Variants in PLXND1 observed in about 807,000 individuals in gnomAD.
PLXND1 encodes the protein plexin-D1.
In PLXND1, 54 loss-of-function variants were observed where a neutral mutation model predicts 197.7. The ratio of observed to expected loss-of-function variants is 0.27; its 90% confidence interval spans 0.22 to 0.34. The LOEUF is 0.34. Among genes scored for constraint, PLXND1 ranks in the 10% least tolerant of loss-of-function variants. PLXND1 has a pLI of 1.00. For synonymous variants in PLXND1, 1,180 were observed against 1,161.2 expected (o/e 1.02, Z -0.33); for missense variants, 2,127 against 2,699.2 (o/e 0.79, Z 4.70).
At chr3:129,593,244 C>A (rs1453118992) in intron 1 of PLXND1, among the ~76,000 whole-genome samples, 1 of 152,270 alleles carries the variant, frequency 6.6e-6, no homozygotes, top group South Asian at 2.1e-4. Context: ...CTGCCAGCTC[C>A]CAGGCCTCCA....
chr3:129,561,997 T>C, intron 27 of PLXND1, 94 bp from the exon 28 acceptor site: 1 of 795,890 alleles, frequency 1.3e-6, no homozygotes, highest in Non-Finnish European at 2.2e-6. Flanking sequence ...GGCCTCTCGC[T>C]CTCTCCATGT....
Position 129,584,428 on chromosome 3 carries a change from G to A in PLXND1, c.1986C>T (p.Asn662=). ...GCGGAAACTGGTCCCTCGGCAGGAG[G>A]TTGCAGTAGGCAATCTGGTGACCAA... The part of the protein sequence containing the change: ...PAFGHQIAYC[N]LLPRDQFPPF... The change falls in exon 6 of 36, where the codon AAC becomes AAT. Residue 662 remains asparagine (N), a synonymous_variant. Transcript: ENST00000324093. The A allele has an allele frequency of 6.2e-7, 1 of 1,613,690 alleles. No individual in the cohort carries two copies. The highest frequency in any genetic ancestry group is 8.5e-7 in the Non-Finnish European group (1 of 1,179,900).
At position 129,605,465 on chromosome 3, in the gene PLXND1, C is replaced by A; in HGVS notation, c.1175G>T (p.Arg392Leu). 6.7e-7 allele frequency: 1 copy of A among 1,501,016 alleles called. No individual in the cohort carries two copies. The highest frequency in any genetic ancestry group is 1.2e-5 in the South Asian group (1 of 80,190). The allele number at this position is 1,501,016 out of a possible 1,614,324, so 93.0% of individuals were successfully genotyped here. ...GATGGCGGCTCGCACGTCGGCGAAG[C>A]GGAAGGCGCAGAGTGCGGCCGGAGC... ...RAAPAALCAF[R>L]FADVRAAIRA... The change falls in exon 1 of 36, where the codon CGC becomes CTC. Residue 392 changes from arginine to leucine, a missense_variant. By Grantham distance (102) the Arg-to-Leu change is moderately radical. This residue lies in a region of PLXND1 where 1,095 missense variants were observed against 1,259.8 expected (regional missense o/e 0.87). Coordinates refer to ENST00000324093, the MANE Select transcript of PLXND1 (RefSeq NM_015103.3).
Position 129,557,022 on chromosome 3 carries a change from C to G in PLXND1, c.5586+61G>C. 6.4e-7 allele frequency: 1 copy of G among 1,571,372 alleles called. No individual in the cohort carries two copies. The highest frequency in any genetic ancestry group is 8.7e-7 in the Non-Finnish European group (1 of 1,153,228). On this transcript the variant is annotated intron_variant, in intron 34 of 35. Coordinates refer to ENST00000324093, the MANE Select transcript of PLXND1 (RefSeq NM_015103.3). This position sits in a 1 kb window ranked among gnomAD's most constrained non-coding sequence, Gnocchi z 4.8. The stretch of plus-strand genomic sequence containing the variant: ...CTCCAGTGGAGGCATTGAGGCCCAG[C>G]CCCCGACCCCCGATCCCTCAGCTCT...
rs2108782139 is a variant in PLXND1 at position 129,577,592 on chromosome 3, T to A, written c.2346+737A>T. Among the ~76,000 whole-genome samples, 3 of 151,964 alleles carry A rather than the reference T, an allele frequency of 2.0e-5. No individual in the cohort carries two copies. The South Asian group carries it at 6.2e-4, about 32-fold the overall frequency. On this transcript the variant is annotated intron_variant, in intron 9 of 35. Coordinates refer to ENST00000324093, the MANE Select transcript of PLXND1 (RefSeq NM_015103.3). This position sits in a 1 kb window ranked among gnomAD's most constrained non-coding sequence, Gnocchi z 5.0. ...TGTGACAGCTCTCACGGGCCTCAGC[T>A]CCTCCATGGAAGTAACAGATGGCGA...
intron 6 of PLXND1, 21 bp from the exon 7 acceptor site, chr3:129,584,254 A>AGGGGAGGACAT: frequency 6.3e-7 from 1 of 1,583,472 alleles, no homozygotes; most frequent in Non-Finnish European, 8.7e-7. Flanking sequence ...TGGGGGAGCC[A>AGGGGAGGACAT]GGGGAGGACA....
chr3:129,601,235 A>C (rs192284914), intron 1 of PLXND1, among the ~76,000 whole-genome samples: 1 of 152,328 alleles, frequency 6.6e-6, no homozygotes, highest in Admixed American at 6.5e-5. Context: ...CGTTGAAAAC[A>C]ATCAGGGACA....
chr3:129,595,596 G>A (rs28593605), intron 1 of PLXND1, among the ~76,000 whole-genome samples: 18,509 of 152,224 alleles, frequency 0.12, 1,378 homozygotes, highest in East Asian at 0.38. Flanking sequence ...TCAGACAAAC[G>A]GCAAAGGACA....
chr3:129,561,967 G>C (rs913531515), intron 27 of PLXND1, 64 bp from the exon 28 acceptor site: 2 of 1,097,760 alleles, frequency 1.8e-6, no homozygotes, highest in African/African-American at 1.5e-5. Context: ...GGTAGGTACC[G>C]GCCCAGCCAC....
intron 1 of PLXND1, among the ~76,000 whole-genome samples, chr3:129,592,781 A>C (rs897208052): frequency 6.6e-6 from 1 of 152,162 alleles, no homozygotes; most frequent in Non-Finnish European, 1.5e-5. Flanking sequence ...CTGTGTTCCG[A>C]GGGGGAAGCT....
intron 10 of PLXND1, 101 bp downstream of exon 10, chr3:129,575,665 G>A (rs773427720): frequency 2.0e-5 from 25 of 1,229,730 alleles, no homozygotes; most frequent in Non-Finnish European, 2.6e-5. Context: ...GCTGGGGATG[G>A]GGGAACCAGA....
At chr3:129,559,523 A>T in intron 32 of PLXND1, 97 bp downstream of exon 32, 1 of 939,536 alleles carries the variant, frequency 1.1e-6, no homozygotes, top group Non-Finnish European at 1.6e-6. Flanking sequence ...GGAGGGCTTG[A>T]CCCCAAGCAG....
chr3:129,556,861 A>C (rs2084981900), intron 34 of PLXND1, 170 bp from the exon 35 acceptor site: 1 of 687,600 alleles, frequency 1.5e-6, no homozygotes, highest in Admixed American at 2.5e-5. Context: ...CCGGACCCTG[A>C]AGTCCAATCT....
chr3:129,575,975 C>A, intron 9 of PLXND1, 120 bp from the exon 10 acceptor site: 1 of 684,444 alleles, frequency 1.5e-6, no homozygotes. Flanking sequence ...GTCGAACTGT[C>A]AGGCCTTTGC....
Position 129,557,179 on chromosome 3 carries a change from C to T in PLXND1, c.5490G>A (p.Glu1830=), listed in dbSNP as rs143899582. 829 of 1,614,186 alleles carry T rather than the reference C, an allele frequency of 5.1e-4. No individual in the cohort carries two copies. Among genetic ancestry groups the T allele is most frequent in the Non-Finnish European group, 6.3e-4 (738 of 1,180,038 alleles). ...AGTAGCGCTGCACGATCTTCCGGTA[C>T]TCAGGAATCTCCTTGGCGTAGAGGA... ...NKLLYAKEIP[E]YRKIVQRYYK... is the part of the protein sequence containing the mutation. Residue 1830 remains glutamate, a synonymous_variant, in exon 34 of 36, where the codon GAG becomes GAA. Coordinates refer to ENST00000324093, the MANE Select transcript of PLXND1 (RefSeq NM_015103.3). The surrounding 1 kb of genome is among the most constrained non-coding windows in gnomAD (Gnocchi z 4.8).
intron 20 of PLXND1, chr3:129,569,566 A>G (rs2085192312): frequency 2.3e-6 from 1 of 429,236 alleles, no homozygotes; most frequent in African/African-American, 2.0e-5. Flanking sequence ...CTCTCTATTG[A>G]CTGGAGAACA....
At position 129,606,291 on chromosome 3, in the gene PLXND1, G is replaced by T; in HGVS notation, c.349C>A (p.Pro117Thr). Residue 117 changes from proline to threonine, a missense_variant, in exon 1 of 36, where the codon CCG becomes ACG. Pro to Thr is a conservative substitution (Grantham distance 38). This residue lies in a region of PLXND1 where 245 missense variants were observed against 267.1 expected (regional missense o/e 0.92). Transcript: ENST00000324093. ...TTGTAGTTGTCCGTGAGGCGCCGCG[G>T]GTGCTCGCACGAGGCCTGCGGCAGC... Reference protein sequence around the residue: ...PQLPQASCEHPRRLTDNYNKI... With the variant: ...PQLPQASCEHTRRLTDNYNKI... 6.5e-7 allele frequency: 1 copy of T among 1,531,792 alleles called. No homozygotes were observed. 94.9% of individuals were successfully genotyped at this position (1,531,792 alleles called of 1,614,324 possible).
rs763380125 is a variant in PLXND1, at chr3:129,584,411, T to C, written c.2003A>G (p.Gln668Arg). The C allele has an allele frequency of 1.2e-6, 2 of 1,613,164 alleles. No individual in the cohort carries two copies. The highest frequency in any genetic ancestry group is 1.7e-6 in the Non-Finnish European group (2 of 1,179,690). ...CTGGTTGGGGGGGAAGGGCGGAAAC[T>C]GGTCCCTCGGCAGGAGGTTGCAGTA... ...IAYCNLLPRD[Q>R]FPPFPPNQDH... Residue 668 changes from glutamine (Q) to arginine (R), a missense_variant, in exon 6 of 36, where the codon CAG (glutamine) becomes CGG (arginine). Physicochemically the swap from Gln to Arg is conservative, Grantham distance 43 (BLOSUM62 1). Around this residue, in one of 6 missense-constraint regions of PLXND1, gnomAD observed 1,095 missense variants for 1,259.8 expected, o/e 0.87. Coordinates refer to ENST00000324093, the MANE Select transcript of PLXND1 (RefSeq NM_015103.3).
At position 129,573,654 on chromosome 3, in the gene PLXND1, C is replaced by G; in HGVS notation, c.2777G>C (p.Gly926Ala). 6.2e-7 allele frequency: 1 copy of G among 1,613,640 alleles called. No homozygotes were observed. Among genetic ancestry groups the G allele is most frequent in the Non-Finnish European group, 8.5e-7 (1 of 1,180,010 alleles). ...LGRRLSDVAHGVWIGGVACEP... is the reference protein window; with the variant it reads ...LGRRLSDVAHAVWIGGVACEP... Reference sequence around the variant, plus strand: ...ACAGGCCACACCACCAATCCACACGCCGTGGGCCACGTCACTGAGCCGCCG... The same window carrying G: ...ACAGGCCACACCACCAATCCACACGGCGTGGGCCACGTCACTGAGCCGCCG... The change falls in exon 13 of 36, where the codon GGC becomes GCC. Residue 926 changes from glycine to alanine, a missense_variant. Physicochemically the swap from Gly to Ala is moderately conservative, Grantham distance 60. Transcript: ENST00000324093.
Sources: gnomAD v4.1 joint callset for allele counts (sites outside exome capture counted in the v4.1 genomes callset) on GRCh38, gnomAD v4.1.1 for gene constraint, gnomAD v4.1.1 regional missense constraint, Gnocchi (gnomAD v3.1) non-coding constraint, MANE v1.5 for transcripts, NCBI Gene and HGNC (gene_info 2026-07-23, HGNC 2026-07-21) for gene names.